The following MRPL13 variants were observed in gnomAD, a reference collection of about 807,000 sequenced individuals.
MRPL13 encodes large ribosomal subunit protein uL13m.
A neutral mutation model predicts 29.0 loss-of-function variants in MRPL13; 33 were observed. That is an observed-to-expected ratio of 1.14 (90% confidence interval 0.86 to 1.52). MRPL13 has a LOEUF of 1.52. MRPL13 is among the 40% of genes most tolerant of loss of function. The pLI is 0.00. For missense variants in MRPL13, 227 were observed against 216.7 expected (o/e 1.05, Z -0.30); for synonymous variants, 77 against 68.4 (o/e 1.13, Z -0.62).
intron 5 of MRPL13, 174 bp downstream of exon 5, chr8:120,419,678 A>G (rs1812845208): frequency 2.6e-6 from 1 of 391,444 alleles, no homozygotes; most frequent in East Asian, 4.3e-5. Flanking sequence ...ACATTTTAAA[A>G]TATTAATAGA....
intron 6 of MRPL13, among the ~76,000 whole-genome samples, chr8:120,407,443 G>A (rs191435596): frequency 2.5e-4 from 38 of 151,982 alleles, no homozygotes; most frequent in Middle Eastern, 3.4e-3. Flanking sequence ...TCAAGAGATC[G>A]AGACCATCCT....
intron 2 of MRPL13, among the ~76,000 whole-genome samples, chr8:120,440,620 A>AAG (rs1554634988): frequency 3.3e-5 from 5 of 151,934 alleles, no homozygotes; most frequent in Admixed American, 6.6e-5. Flanking sequence ...AAAAAAAAAA[A>AAG]AAGGCATAAG....
At chr8:120,421,866 A>C (rs1812877869) in intron 4 of MRPL13, among the ~76,000 whole-genome samples, 1 of 151,842 alleles carries the variant, frequency 6.6e-6, no homozygotes, top group African/African-American at 2.4e-5. Flanking sequence ...CATTTAAAAT[A>C]TTTATGAAGT....
intron 3 of MRPL13, among the ~76,000 whole-genome samples, chr8:120,430,401 T>C (rs1206326234): frequency 1.3e-5 from 2 of 152,202 alleles, no homozygotes; most frequent in Non-Finnish European, 2.9e-5. Context: ...CTATATTTTC[T>C]AAAATTAGTA....
At chr8:120,409,205 T>C (rs1047199430) in intron 6 of MRPL13, among the ~76,000 whole-genome samples, 68 of 152,254 alleles carry the variant, frequency 4.5e-4, no homozygotes, top group African/African-American at 1.6e-3. Context: ...AAGGTGAGAG[T>C]TTTGCTTAAA....
At chr8:120,399,014 C>G (rs973434106) in intron 6 of MRPL13, among the ~76,000 whole-genome samples, 1 of 151,640 alleles carries the variant, frequency 6.6e-6, no homozygotes, top group African/African-American at 2.4e-5. Context: ...AAACCTATGA[C>G]TAATTGGGGT....
intron 4 of MRPL13, among the ~76,000 whole-genome samples, chr8:120,421,057 G>A (rs1300736345): frequency 6.6e-6 from 1 of 151,600 alleles, no homozygotes; most frequent in Non-Finnish European, 1.5e-5. Context: ...CAGACATTAA[G>A]TATAAGTTTT....
intron 2 of MRPL13, among the ~76,000 whole-genome samples, chr8:120,435,191 G>A (rs964072099): frequency 7.9e-5 from 12 of 152,114 alleles, no homozygotes; most frequent in Non-Finnish European, 1.8e-4. Context: ...ATACAGCAAT[G>A]AATGTAACTG....
intron 2 of MRPL13, among the ~76,000 whole-genome samples, chr8:120,433,544 A>T (rs1369494289): frequency 6.6e-6 from 1 of 152,134 alleles, no homozygotes; most frequent in Non-Finnish European, 1.5e-5. Flanking sequence ...ACAGAGAGCA[A>T]AAAAGATCTT....
At chr8:120,421,707 C>T (rs1812876346) in intron 4 of MRPL13, among the ~76,000 whole-genome samples, 1 of 151,866 alleles carries the variant, frequency 6.6e-6, no homozygotes, top group Admixed American at 6.6e-5. Flanking sequence ...CTTCCTCAAA[C>T]ATTTTACAAT....
Position 120,432,119 on chromosome 8 carries a change from G to T in MRPL13, c.156C>A (p.Asp52Glu). 1 of 1,572,908 alleles carries T rather than the reference G, an allele frequency of 6.4e-7. No individual in the cohort carries two copies. The highest frequency in any genetic ancestry group is 8.6e-7 in the Non-Finnish European group (1 of 1,163,966). ...LHKPVYHALS[D>E]CGDHVVIMNT... is the part of the protein sequence containing the mutation. ...TCATTATAACAACATGATCCCCACA[G>T]TCACCTACATTTTAAAAAGAAACAA... Residue 52 changes from aspartate (D) to glutamate (E), a missense_variant, in exon 3 of 7, where the codon GAC becomes GAA. Physicochemically the swap from Asp to Glu is conservative, Grantham distance 45. Coordinates refer to ENST00000306185, the MANE Select transcript of MRPL13 (RefSeq NM_014078.6).
chr8:120,421,648 T>G (rs1812875140), intron 4 of MRPL13, among the ~76,000 whole-genome samples: 1 of 151,918 alleles, frequency 6.6e-6, no homozygotes, highest in South Asian at 2.1e-4. Flanking sequence ...TAAAATCCTT[T>G]AATGAGGTAA....
chr8:120,398,826 G>A (rs1293246621), intron 6 of MRPL13, among the ~76,000 whole-genome samples: 1 of 152,068 alleles, frequency 6.6e-6, no homozygotes, highest in African/African-American at 2.4e-5. Flanking sequence ...TGATGGAGCT[G>A]AAAAATACAA....
At chr8:120,433,345 CAGA>C (rs1006664709) in intron 2 of MRPL13, among the ~76,000 whole-genome samples, 4 of 152,068 alleles carry the variant, frequency 2.6e-5, no homozygotes, top group African/African-American at 4.8e-5. Flanking sequence ...ACATTTACAG[CAGA>C]AGAAGATTAA....
intron 2 of MRPL13, among the ~76,000 whole-genome samples, chr8:120,433,432 GA>G (rs1288129263): frequency 6.6e-6 from 1 of 151,856 alleles, no homozygotes. Context: ...CTATTTGGAG[GA>G]AAAAATGGAA....
chr8:120,418,289 ATTAT>A (rs1812828696), intron 5 of MRPL13, among the ~76,000 whole-genome samples: 1 of 152,126 alleles, frequency 6.6e-6, no homozygotes, highest in Non-Finnish European at 1.5e-5. Flanking sequence ...ATGAATAAGC[ATTAT>A]TTGTTTTTCT....
At chr8:120,422,360 T>C (rs1280523882) in intron 4 of MRPL13, among the ~76,000 whole-genome samples, 3 of 151,454 alleles carry the variant, frequency 2.0e-5, no homozygotes, top group Non-Finnish European at 3.0e-5. Flanking sequence ...ATGAGTAAAG[T>C]TGAAAGTTTA....
rs564466944 is a variant in MRPL13 at position 120,417,709 on chromosome 8, T to C, written c.393+2143A>G. 3.3e-5 allele frequency among the ~76,000 whole-genome samples: 5 copies of C among 152,234 alleles called. No homozygotes were observed. In the East Asian group the frequency reaches 9.7e-4, roughly 29 times the overall value. ...ATATTGCTCCATTAGTTTTTGAGTA[T>C]TGCCTTATTTTCTGTTACTTTCTAT... On this transcript the variant is annotated intron_variant, in intron 5 of 6. Coordinates refer to ENST00000306185, the MANE Select transcript of MRPL13 (RefSeq NM_014078.6).
intron 3 of MRPL13, among the ~76,000 whole-genome samples, chr8:120,425,982 A>G (rs1444471305): frequency 1.3e-5 from 2 of 152,112 alleles, no homozygotes; most frequent in Non-Finnish European, 2.9e-5. Flanking sequence ...CAGATACCCT[A>G]GATGCAGGTA....
Sources: gnomAD v4.1 joint callset for allele counts (sites outside exome capture counted in the v4.1 genomes callset) on GRCh38, gnomAD v4.1.1 for gene constraint, MANE v1.5 for transcripts, NCBI Gene and HGNC (gene_info 2026-07-23, HGNC 2026-07-21) for gene names.